The following NPY4R variants were observed in gnomAD, a reference collection of about 807,000 sequenced individuals.
NPY4R encodes the protein neuropeptide Y receptor type 4.
In NPY4R, 2 loss-of-function variants were observed where a neutral mutation model predicts 11.9. That is an observed-to-expected ratio of 0.17 (90% CI 0.07 to 0.53). The LOEUF (loss-of-function observed/expected upper bound fraction) is 0.53, where lower values mean the gene tolerates loss of function less well. NPY4R is among the 20% of genes least tolerant of loss of function. The pLI, the probability that NPY4R is intolerant of heterozygous loss-of-function variation, is 0.94. For synonymous variants in NPY4R, 8 were observed against 121.7 expected (o/e 0.07, Z 6.15); for missense variants, 26 against 280.2 (o/e 0.09, Z 6.48).
upstream of NPY4R, among the ~76,000 whole-genome samples, chr10:46,468,056 G>A (rs1476640437): frequency 0.032 from 3,587 of 110,542 alleles, 69 homozygotes; most frequent in Middle Eastern, 0.062. Context: ...CTGGTGTGGT[G>A]TGATCATCCC....
upstream of NPY4R, among the ~76,000 whole-genome samples, chr10:46,466,243 CTT>C (rs781942664): frequency 1.4e-5 from 1 of 69,352 alleles, no homozygotes; most frequent in East Asian, 2.4e-4. Context: ...TTCTTTCTTT[CTT>C]TCTTTCTTTC....
upstream of NPY4R, among the ~76,000 whole-genome samples, chr10:46,466,181 C>CTCTCTT (rs1283571743): frequency 0.046 from 1,013 of 21,944 alleles, 43 homozygotes; most frequent in East Asian, 0.14. Flanking sequence ...CTGTCTTTCT[C>CTCTCTT]TCTTTCTTTC....
upstream of NPY4R, among the ~76,000 whole-genome samples, chr10:46,466,255 CTTTCTTTCCTTTCTTTCTTTCTTTCTT>C (rs1841039261): frequency 2.8e-4 from 18 of 64,850 alleles, no homozygotes; most frequent in African/African-American, 1.6e-3. Flanking sequence ...TTCTTTCTTT[CTTTCTTTCCTTTCTTTCTTTCTTTCTT>C]TCTCTCTCTC....
At chr10:46,466,292 C>A (rs1237194598), upstream of NPY4R, among the ~76,000 whole-genome samples, 324 of 129,680 alleles carry the variant, frequency 2.5e-3, 38 homozygotes, top group Non-Finnish European at 4.0e-3. Flanking sequence ...TTCTCTCTCT[C>A]TCTCTCTCTC....
chr10:46,466,199 CTTTCTTTCTTTCTTTCTTTCT>C (rs1841022096), upstream of NPY4R, among the ~76,000 whole-genome samples: 6 of 59,058 alleles, frequency 1.0e-4, no homozygotes, highest in Non-Finnish European at 1.5e-4. Flanking sequence ...TTCTTTCTTT[CTTTCTTTCTTTCTTTCTTTCT>C]TTCTTTCTTT....
chr10:46,466,232 TTTC>T (rs1554991216), upstream of NPY4R, among the ~76,000 whole-genome samples: 9 of 68,900 alleles, frequency 1.3e-4, 1 homozygote, highest in African/African-American at 5.2e-4. Context: ...TCTTTCTTTC[TTTC>T]TTTCTTTCTT....
chr10:46,466,262 TCCTTTCTTTCTTTCTTTCTTTCTCTCTC>T (rs1841042369), upstream of NPY4R, among the ~76,000 whole-genome samples: 1 of 53,416 alleles, frequency 1.9e-5, no homozygotes, highest in African/African-American at 1.0e-4. Flanking sequence ...TTTCTTTCTT[TCCTTTCTTTCTTTCTTTCTTTCTCTCTC>T]TCTCTCTCTC....
At chr10:46,466,179 CTCTCTTTCTTTCTT>C (rs1211074201), upstream of NPY4R, among the ~76,000 whole-genome samples, 6 of 20,662 alleles carry the variant, frequency 2.9e-4, no homozygotes, top group East Asian at 1.6e-3. Context: ...CGCTGTCTTT[CTCTCTTTCTTTCTT>C]TCTTTCTTTC....
upstream of NPY4R, among the ~76,000 whole-genome samples, chr10:46,466,099 G>T (rs1392561033): frequency 4.7e-5 from 7 of 147,728 alleles, no homozygotes; most frequent in Non-Finnish European, 9.1e-5. Flanking sequence ...AGGCCTGCCC[G>T]GAACTGCAGC....
chr10:46,466,252 T>TCTCTC (rs1841037634), upstream of NPY4R, among the ~76,000 whole-genome samples: 1 of 72,974 alleles, frequency 1.4e-5, no homozygotes, highest in Non-Finnish European at 2.7e-5. Flanking sequence ...TCTTTCTTTC[T>TCTCTC]TTCTTTCTTT....
upstream of NPY4R, among the ~76,000 whole-genome samples, chr10:46,467,960 G>A (rs1841102277): frequency 9.2e-6 from 1 of 108,662 alleles, no homozygotes; most frequent in Non-Finnish European, 1.9e-5. Context: ...AACAGCAGAA[G>A]AGCTGAAATG....
chr10:46,467,753 C>T (rs1209152492), upstream of NPY4R, among the ~76,000 whole-genome samples: 5 of 124,942 alleles, frequency 4.0e-5, no homozygotes, highest in African/African-American at 1.5e-4. Context: ...AGAAACTGCT[C>T]AACTCCAGCT....
chr10:46,466,231 CTTTCTTTCT>C (rs1565142396), upstream of NPY4R, among the ~76,000 whole-genome samples: 2 of 68,348 alleles, frequency 2.9e-5, no homozygotes, highest in Non-Finnish European at 5.6e-5. Flanking sequence ...TTCTTTCTTT[CTTTCTTTCT>C]TTCTTTCTTT....
chr10:46,466,282 T>TTCTCTC (rs1160755760), upstream of NPY4R, among the ~76,000 whole-genome samples: 1 of 63,694 alleles, frequency 1.6e-5, no homozygotes, highest in African/African-American at 8.8e-5. Flanking sequence ...CTTTCTTTCT[T>TTCTCTC]TCTCTCTCTC....
upstream of NPY4R, among the ~76,000 whole-genome samples, chr10:46,466,203 C>CTTT (rs797033525): frequency 2.1e-5 from 1 of 48,652 alleles, no homozygotes; most frequent in East Asian, 2.7e-4. Flanking sequence ...TTCTTTCTTT[C>CTTT]TTTCTTTCTT....
chr10:46,464,310 A>G (rs1840946857), intron 1 of NPY4R, among the ~76,000 whole-genome samples: 2 of 142,310 alleles, frequency 1.4e-5, no homozygotes, highest in African/African-American at 5.3e-5. Context: ...CGGAGGTTGC[A>G]GTCAGCAGAG....
rs1210101935 is a variant in NPY4R, at chr10:46,465,823, TC to T, written c.-362del. On this transcript the variant is annotated 5_prime_UTR_variant, in exon 1 of 3. Coordinates refer to ENST00000374312, the MANE Select transcript of NPY4R (RefSeq NM_005972.6). ...CCAAGGGCAGGCAGCGCGCCCGGCT[TC>T]CCGGAGGGTTCGTACCGGGGCCCAC... 6.9e-6 allele frequency: 1 copy of T among 144,120 alleles called. No individual in the cohort carries two copies. Among genetic ancestry groups the T allele is most frequent in the Non-Finnish European group, 1.5e-5 (1 of 64,768 alleles). 8.9% of individuals were successfully genotyped at this position (144,120 alleles called of 1,614,324 possible).
upstream of NPY4R, among the ~76,000 whole-genome samples, chr10:46,466,389 T>G (rs1170095734): frequency 1.8e-5 from 2 of 109,380 alleles, no homozygotes; most frequent in Admixed American, 9.2e-5. Context: ...TGCCTGTCTC[T>G]CTCTCTCTCT....
chr10:46,466,249 TTCTTTCTTTCTTTCCTTTC>T (rs1841035882), upstream of NPY4R, among the ~76,000 whole-genome samples: 2 of 67,774 alleles, frequency 3.0e-5, no homozygotes, highest in African/African-American at 1.6e-4. Context: ...CTTTCTTTCT[TTCTTTCTTTCTTTCCTTTC>T]TTTCTTTCTT....
Sources: gnomAD v4.1 joint callset for allele counts (sites outside exome capture counted in the v4.1 genomes callset) on GRCh38, gnomAD v4.1.1 for gene constraint, MANE v1.5 for transcripts, NCBI Gene and HGNC (gene_info 2026-07-23, HGNC 2026-07-21) for gene names.